CTNNA3: variants seen among roughly 807,000 people sequenced by gnomAD.
CTNNA3 encodes catenin alpha 3, also known as catenin alpha-3.
Under a neutral mutation model 95.7 loss-of-function variants are expected in CTNNA3, and 76 were observed. The observed-to-expected ratio is 0.79, with a 90% confidence interval of 0.66 to 0.96. The LOEUF is 0.96. Among genes scored for constraint, CTNNA3 ranks in the 40% least tolerant of loss-of-function variants. CTNNA3 has a pLI of 0.00. For missense variants in CTNNA3, 1,191 were observed against 1,089.8 expected (o/e 1.09, Z -1.31); for synonymous variants, 431 against 374.4 (o/e 1.15, Z -1.74).
chr10:67,562,685 G>A (rs981132999), intron 3 of CTNNA3, among the ~76,000 whole-genome samples: 1 of 152,200 alleles, frequency 6.6e-6, no homozygotes, highest in Non-Finnish European at 1.5e-5. Context: ...ATTAGGAAAA[G>A]AGGAAGTCAA....
intron 2 of CTNNA3, among the ~76,000 whole-genome samples, chr10:67,627,190 T>C (rs1033037991): frequency 6.6e-6 from 1 of 152,316 alleles, no homozygotes; most frequent in South Asian, 2.1e-4. Flanking sequence ...TCCTCCCTGG[T>C]CCAGCTCTGC....
At chr10:66,038,386 T>C (rs1428708896) in intron 15 of CTNNA3, among the ~76,000 whole-genome samples, 1 of 152,104 alleles carries the variant, frequency 6.6e-6, no homozygotes, top group African/African-American at 2.4e-5. Flanking sequence ...TCTTTTATGT[T>C]TGGAAGACAG....
intron 5 of CTNNA3, among the ~76,000 whole-genome samples, chr10:67,377,313 A>G (rs1169466613): frequency 6.6e-6 from 1 of 152,216 alleles, no homozygotes. Flanking sequence ...GATGTATATT[A>G]AGGAAAGAAT....
chr10:66,081,438 C>T (rs1034100522), intron 14 of CTNNA3, among the ~76,000 whole-genome samples: 1 of 151,636 alleles, frequency 6.6e-6, no homozygotes, highest in Non-Finnish European at 1.5e-5. Flanking sequence ...ATAGCAAGAC[C>T]CCATCTGTAA....
chr10:67,591,507 A>G (rs981466655), intron 3 of CTNNA3, among the ~76,000 whole-genome samples: 42 of 152,186 alleles, frequency 2.8e-4, no homozygotes, highest in African/African-American at 9.4e-4. Context: ...TTGTAAAAAC[A>G]TATTAAGTGG....
At chr10:67,388,875 C>A (rs1035831060) in intron 5 of CTNNA3, among the ~76,000 whole-genome samples, 4 of 152,100 alleles carry the variant, frequency 2.6e-5, no homozygotes, top group African/African-American at 7.2e-5. Context: ...GATTTTGTCA[C>A]CACCAGGCCG....
At position 66,322,446 on chromosome 10, in the gene CTNNA3, G is replaced by A. The variant is rs76730277; in HGVS notation, c.1733-41825C>T. On this transcript the variant is annotated intron_variant, in intron 12 of 17. Coordinates refer to ENST00000433211, the MANE Select transcript of CTNNA3 (RefSeq NM_013266.4). The stretch of plus-strand genomic sequence containing the variant: ...CAGGGCATGCCAATCATACTTAGCT[G>A]AAGAGACAGAAATCAAAGTTCAGTT... Among the ~76,000 whole-genome samples, 862 of 152,142 alleles carry A rather than the reference G, an allele frequency of 5.7e-3. 12 individuals carry two copies. The highest frequency in any genetic ancestry group is 0.02 in the African/African-American group (831 of 41,530).
intron 9 of CTNNA3, among the ~76,000 whole-genome samples, chr10:66,756,609 C>G (rs1003682766): frequency 6.6e-6 from 1 of 152,098 alleles, no homozygotes; most frequent in East Asian, 2.0e-4. Flanking sequence ...CTCTCCTGAC[C>G]CCTACCCTAA....
intron 15 of CTNNA3, among the ~76,000 whole-genome samples, chr10:66,053,126 C>G (rs2079998110): frequency 6.6e-6 from 1 of 151,896 alleles, no homozygotes; most frequent in East Asian, 1.9e-4. Context: ...TTTTTTTAAA[C>G]CAGGTACTTT....
intron 15 of CTNNA3, among the ~76,000 whole-genome samples, chr10:66,030,668 C>T (rs1393925232): frequency 2.6e-5 from 4 of 152,100 alleles, no homozygotes; most frequent in Admixed American, 6.5e-5. Flanking sequence ...ATGACTAAGT[C>T]CTCAAAAGCA....
At chr10:66,028,224 G>T (rs2079379882) in intron 15 of CTNNA3, among the ~76,000 whole-genome samples, 1 of 152,182 alleles carries the variant, frequency 6.6e-6, no homozygotes, top group African/African-American at 2.4e-5. Context: ...AATACCATTT[G>T]ACCCAGCCAT....
intron 1 of CTNNA3, among the ~76,000 whole-genome samples, chr10:67,694,098 G>A (rs78896357): frequency 6.6e-6 from 1 of 152,218 alleles, no homozygotes; most frequent in African/African-American, 2.4e-5. Context: ...AAATCACTAT[G>A]TCTACATGGT....
intron 12 of CTNNA3, among the ~76,000 whole-genome samples, chr10:66,317,467 T>A (rs1444876830): frequency 6.6e-6 from 1 of 151,266 alleles, no homozygotes; most frequent in East Asian, 1.9e-4. Context: ...AGGTCAGGAG[T>A]TCAAGACCAG....
At chr10:66,492,450 A>ATT (rs60327021) in intron 11 of CTNNA3, among the ~76,000 whole-genome samples, 3 of 144,124 alleles carry the variant, frequency 2.1e-5, no homozygotes, top group Admixed American at 6.8e-5. Flanking sequence ...GGCCCAGCTA[A>ATT]TTTTTTTTTT....
chr10:67,049,739 A>T (rs984436567), intron 7 of CTNNA3, among the ~76,000 whole-genome samples: 3 of 152,188 alleles, frequency 2.0e-5, no homozygotes, highest in African/African-American at 7.2e-5. Flanking sequence ...GCCTCAGTCT[A>T]TACACAAAAA....
Position 66,927,165 on chromosome 10 carries a change from G to T in CTNNA3, c.1048-151641C>A. The T allele has an allele frequency of 6.2e-7, 1 of 1,614,028 alleles. No homozygotes were observed. The highest frequency in any genetic ancestry group is 8.5e-7 in the Non-Finnish European group (1 of 1,179,994). ...AACTTAAGTATAATCAATTTAAAGG[G>T]CTCAACCAGCTCACCTGGCTATACC... On this transcript the variant is annotated intron_variant, in intron 7 of 17. Coordinates refer to ENST00000433211, the MANE Select transcript of CTNNA3 (RefSeq NM_013266.4). This position sits in a 1 kb window ranked among gnomAD's most constrained non-coding sequence, Gnocchi z 4.7.
intron 11 of CTNNA3, among the ~76,000 whole-genome samples, chr10:66,391,816 T>A: frequency 1.3e-5 from 2 of 152,184 alleles, no homozygotes; most frequent in Middle Eastern, 6.8e-3. Flanking sequence ...GTTAAATTTG[T>A]AAAACTCAGG....
chr10:66,925,869 C>T, intron 7 of CTNNA3: 1 of 345,428 alleles, frequency 2.9e-6, no homozygotes, highest in South Asian at 2.1e-5. Context: ...AGTTATTGAT[C>T]ACGGTGACCA....
chr10:67,501,329 T>G (rs1326489506), intron 5 of CTNNA3, among the ~76,000 whole-genome samples: 1 of 152,226 alleles, frequency 6.6e-6, no homozygotes, highest in Non-Finnish European at 1.5e-5. Flanking sequence ...TGCAGAGAGA[T>G]CCACTGTTAG....
Sources: gnomAD v4.1 joint callset for allele counts (sites outside exome capture counted in the v4.1 genomes callset) on GRCh38, gnomAD v4.1.1 for gene constraint, Gnocchi (gnomAD v3.1) non-coding constraint, MANE v1.5 for transcripts, NCBI Gene and HGNC (gene_info 2026-07-23, HGNC 2026-07-21) for gene names.